PARP8: variants seen among roughly 807,000 people sequenced by gnomAD.
The protein encoded by PARP8 is poly(ADP-ribose) polymerase family member 8, also known as protein mono-ADP-ribosyltransferase PARP8.
In PARP8, 51 loss-of-function variants were observed where a neutral mutation model predicts 124.1. The ratio of observed to expected loss-of-function variants is 0.41; its 90% CI spans 0.33 to 0.52. PARP8 has a LOEUF of 0.52. Among genes scored for constraint, PARP8 ranks in the 20% least tolerant of loss-of-function variants. The probability of loss-of-function intolerance (pLI) is 0.21; values close to 1 mark genes in which losing one functional copy is unlikely to be tolerated. For synonymous variants in PARP8, 391 were observed against 361.5 expected, an observed-to-expected ratio of 1.08 and a Z score of -0.93; for missense variants, 860 against 1,018.9, an observed-to-expected ratio of 0.84 and a Z score of 2.12.
chr5:50,724,940 A>C (rs1370263881), intron 2 of PARP8, among the ~76,000 whole-genome samples: 1 of 151,940 alleles, frequency 6.6e-6, no homozygotes, highest in African/African-American at 2.4e-5. Context: ...CTTTTAAGTG[A>C]AAACGTATGG....
chr5:50,717,119 A>T (rs1437823113), intron 2 of PARP8, among the ~76,000 whole-genome samples: 1 of 152,096 alleles, frequency 6.6e-6, no homozygotes, highest in East Asian at 1.9e-4. Flanking sequence ...CATAATTTGT[A>T]AATATATACT....
Position 50,794,923 on chromosome 5 carries a change from T to C in PARP8, c.934T>C (p.Ser312Pro). The C allele has an allele frequency of 1.2e-6, 2 of 1,614,164 alleles. No homozygotes were observed. The highest frequency in any genetic ancestry group is 1.7e-6 in the Non-Finnish European group (2 of 1,180,018). Residue 312 changes from serine (S) to proline (P), a missense_variant, in exon 12 of 26, where the codon TCC (serine) becomes CCC (proline). Physicochemically the swap from Ser to Pro is moderately conservative, Grantham distance 74. Coordinates refer to ENST00000281631, the MANE Select transcript of PARP8 (RefSeq NM_024615.4). ...SKLKSEQDGI[S>P]KTHKLLRRTC... is the part of the protein sequence containing the mutation. ...ACTGAAATCTGAGCAGGACGGAATC[T>C]CCAAAACGCATAAGCTGCTGCGGAG...
intron 5 of PARP8, 71 bp from the exon 6 acceptor site, chr5:50,761,750 T>TA (rs1488411869): frequency 1.0e-6 from 1 of 989,456 alleles, no homozygotes; most frequent in African/African-American, 1.7e-5. Context: ...TTGCCTATTA[T>TA]AGTCACTTGC....
chr5:50,744,767 C>G, intron 2 of PARP8: 1 of 701,402 alleles, frequency 1.4e-6, no homozygotes. Flanking sequence ...GATGTGAGGA[C>G]AAAAGATGAG....
At chr5:50,824,101 G>A (rs1052226586) in intron 17 of PARP8, among the ~76,000 whole-genome samples, 15 of 152,202 alleles carry the variant, frequency 9.9e-5, no homozygotes, top group Admixed American at 7.9e-4. Context: ...TCTGTGAAAT[G>A]GTTGTTGGTT....
At chr5:50,773,508 TCTA>T (rs891272635) in intron 7 of PARP8, among the ~76,000 whole-genome samples, 32 of 152,214 alleles carry the variant, frequency 2.1e-4, no homozygotes, top group African/African-American at 7.2e-4. Context: ...TTCTGTGTTC[TCTA>T]TTCTGTTTCG....
chr5:50,745,882 T>C (rs1193356523), intron 2 of PARP8, among the ~76,000 whole-genome samples: 1 of 152,206 alleles, frequency 6.6e-6, no homozygotes, highest in Non-Finnish European at 1.5e-5. Context: ...GGTCATAGTG[T>C]ACATTTCCCC....
chr5:50,701,371 A>G (rs1753576555), intron 2 of PARP8, among the ~76,000 whole-genome samples: 1 of 152,142 alleles, frequency 6.6e-6, no homozygotes, highest in Non-Finnish European at 1.5e-5. Flanking sequence ...GGATCATGGT[A>G]CATCAGTAAA....
chr5:50,737,787 G>C (rs1234040757), intron 2 of PARP8, among the ~76,000 whole-genome samples: 1 of 152,098 alleles, frequency 6.6e-6, no homozygotes, highest in Non-Finnish European at 1.5e-5. Context: ...CTTTACTTTG[G>C]TAAGACCATA....
At chr5:50,680,861 G>A (rs1338605326) in intron 2 of PARP8, among the ~76,000 whole-genome samples, 1 of 152,066 alleles carries the variant, frequency 6.6e-6, no homozygotes, top group Non-Finnish European at 1.5e-5. Flanking sequence ...TAGGACCCAA[G>A]GGCATGCCTG....
chr5:50,689,807 C>A (rs1752298292), intron 2 of PARP8, among the ~76,000 whole-genome samples: 1 of 152,118 alleles, frequency 6.6e-6, no homozygotes, highest in Non-Finnish European at 1.5e-5. Flanking sequence ...TAGGTAACTT[C>A]TAAATGAGGC....
At chr5:50,696,654 GAA>G (rs1431996271) in intron 2 of PARP8, among the ~76,000 whole-genome samples, 1 of 151,974 alleles carries the variant, frequency 6.6e-6, no homozygotes, top group African/African-American at 2.4e-5. Context: ...TCTTCATTTT[GAA>G]AAGTCTTTTT....
In PARP8 at chr5:50,806,953, T is replaced by C. The variant is rs140075280; in HGVS notation, c.1576-8479T>C. On this transcript the variant is annotated intron_variant, in intron 14 of 25. Transcript: ENST00000281631. ...GTAAGTCTCAGAGACATAAAGAGTGTAAGTTATAGCCCACTGGTGATTAAA... is the reference window on the plus strand; with the variant it reads ...GTAAGTCTCAGAGACATAAAGAGTGCAAGTTATAGCCCACTGGTGATTAAA... 2.0e-3 allele frequency among the ~76,000 whole-genome samples: 300 copies of C among 152,230 alleles called. 3 individuals carry two copies. The highest frequency in any genetic ancestry group is 6.8e-3 in the African/African-American group (284 of 41,562).
rs190498101 is a variant in PARP8, at chr5:50,687,491, G to A, written c.146+19366G>A. 3.3e-3 allele frequency among the ~76,000 whole-genome samples: 503 copies of A among 152,168 alleles called. 1 individual carries two copies. Among genetic ancestry groups the A allele is most frequent in the Non-Finnish European group, 5.3e-3 (360 of 68,000 alleles). On this transcript the variant is annotated intron_variant, in intron 2 of 25. Coordinates refer to ENST00000281631, the MANE Select transcript of PARP8 (RefSeq NM_024615.4). ...CTGCCTGTTACCCAGTTTCAAAGTC[G>A]CTTCCACATTTTTGGGTATCTTTTC...
At chr5:50,779,223 G>T (rs756829571) in intron 9 of PARP8, among the ~76,000 whole-genome samples, 138 of 150,596 alleles carry the variant, frequency 9.2e-4, no homozygotes, top group Non-Finnish European at 1.7e-3. Flanking sequence ...GCACACACAC[G>T]CATGCACACA....
chr5:50,754,762 A>G (rs976281718), intron 3 of PARP8, among the ~76,000 whole-genome samples: 4 of 152,154 alleles, frequency 2.6e-5, no homozygotes, highest in Non-Finnish European at 4.4e-5. Flanking sequence ...TTGCCACACT[A>G]TCTTCCACAA....
At chr5:50,714,502 C>T (rs13183910) in intron 2 of PARP8, among the ~76,000 whole-genome samples, 9,777 of 152,094 alleles carry the variant, frequency 0.064, 349 homozygotes, top group Middle Eastern at 0.1. Context: ...GTTTGCTGCG[C>T]CTATCAACCC....
intron 18 of PARP8, among the ~76,000 whole-genome samples, chr5:50,825,944 G>A (rs1275992327): frequency 2.0e-5 from 3 of 152,074 alleles, no homozygotes; most frequent in East Asian, 3.9e-4. Flanking sequence ...AGGTATAGAA[G>A]CCTTCCTTCT....
intron 2 of PARP8, among the ~76,000 whole-genome samples, chr5:50,705,939 A>G (rs768739220): frequency 4.6e-5 from 7 of 152,204 alleles, no homozygotes; most frequent in African/African-American, 9.6e-5. Context: ...TCACCCATTT[A>G]TCATGCACAG....
Sources: allele counts gnomAD v4.1 joint callset (sites outside exome capture counted in the v4.1 genomes callset), GRCh38; gene constraint gnomAD v4.1.1; transcripts MANE v1.5; gene names NCBI Gene and HGNC (gene_info 2026-07-23, HGNC 2026-07-21).